The following DCAF8 variants were observed in gnomAD, a reference collection of about 807,000 sequenced individuals.
DCAF8 encodes DDB1- and CUL4-associated factor 8.
DCAF8 carries 20 observed loss-of-function variants against 68.0 expected under a neutral mutation model. The observed-to-expected ratio is 0.29, with a 90% CI of 0.21 to 0.43. The LOEUF (loss-of-function observed/expected upper bound fraction) is 0.43. DCAF8 is among the 20% of genes least tolerant of loss of function. The pLI is 1.00. For synonymous variants in DCAF8, 230 were observed against 276.9 expected, an observed-to-expected ratio of 0.83 and a Z score of 1.68; for missense variants, 460 against 771.0, an observed-to-expected ratio of 0.60 and a Z score of 4.78.
chr1:160,242,007 C>T (rs146223482), intron 3 of DCAF8, among the ~76,000 whole-genome samples: 2,407 of 152,232 alleles, frequency 0.016, 62 homozygotes, highest in African/African-American at 0.049. Flanking sequence ...CTTTGGGAGG[C>T]CAAGGCGGGT....
intron 7 of DCAF8, 149 bp downstream of exon 7, chr1:160,231,148 G>C (rs867378621): frequency 3.2e-6 from 2 of 623,674 alleles, no homozygotes; most frequent in Non-Finnish European, 5.8e-6. Context: ...CTCCAAAGGC[G>C]TGTAAGATTT....
chr1:160,217,737 T>C (rs765546124), intron 13 of DCAF8, 29 bp from the exon 14 acceptor site: 20 of 1,555,566 alleles, frequency 1.3e-5, no homozygotes, highest in Non-Finnish European at 1.8e-5. Flanking sequence ...TGTTAGTAAC[T>C]TCCCTGGATG....
chr1:160,226,117 GT>G (rs899451976), intron 7 of DCAF8, among the ~76,000 whole-genome samples: 11 of 152,124 alleles, frequency 7.2e-5, no homozygotes, highest in African/African-American at 2.7e-4. Flanking sequence ...AATTCTGTCA[GT>G]TTGAAGTGGT....
Position 160,250,464 on chromosome 1 carries a change from C to CAAA in DCAF8, c.-26-6433_-26-6431dup, listed in dbSNP as rs386368471. Among the ~76,000 whole-genome samples, 390 of 64,510 alleles carry CAAA rather than the reference C, an allele frequency of 6.0e-3. 2 individuals are homozygous for CAAA. The highest frequency in any genetic ancestry group is 7.0e-3 in the East Asian group (15 of 2,138). The allele number at this position is 64,510 out of a possible 152,430, so 42.3% of individuals were successfully genotyped here. A position where few individuals can be genotyped will look rare whatever the true frequency, so the allele number is the denominator to read the frequency against. Reference sequence around the variant, plus strand: ...CTGGGCAACAAGAGCGAAACTGTCTCAAAAAAAAAAAAAAAAAAAAAACAG... The same window carrying CAAA: ...CTGGGCAACAAGAGCGAAACTGTCTCAAAAAAAAAAAAAAAAAAAAAAAAACAG... On this transcript the variant is annotated intron_variant, in intron 2 of 13. Transcript: ENST00000368074.
chr1:160,261,716 TAC>T (rs1016570434), intron 1 of DCAF8: 2 of 152,276 alleles, frequency 1.3e-5, no homozygotes, highest in African/African-American at 4.8e-5. Context: ...CCGGTTTGTT[TAC>T]AGAGACTCCA....
chr1:160,258,582 G>T (rs1656932147), intron 2 of DCAF8, among the ~76,000 whole-genome samples: 1 of 151,704 alleles, frequency 6.6e-6, no homozygotes, highest in African/African-American at 2.4e-5. Context: ...AGCCGGGCAA[G>T]TAAGACCTCA....
intron 11 of DCAF8, chr1:160,219,994 G>C (rs900159927): frequency 1.3e-5 from 2 of 152,256 alleles, no homozygotes; most frequent in Non-Finnish European, 2.9e-5. Flanking sequence ...TGCCTCACCT[G>C]CACAGGCAGA....
intron 3 of DCAF8, among the ~76,000 whole-genome samples, chr1:160,243,412 T>TTC (rs1656197990): frequency 6.6e-6 from 1 of 151,054 alleles, no homozygotes. Context: ...TCACCTTTTT[T>TTC]TTTTTTTTTT....
chr1:160,240,714 G>A (rs1301024734), intron 3 of DCAF8, among the ~76,000 whole-genome samples: 1 of 152,212 alleles, frequency 6.6e-6, no homozygotes, highest in African/African-American at 2.4e-5. Flanking sequence ...TATTGGATGG[G>A]CATTTATTAA....
At chr1:160,256,815 A>G (rs1186797643) in intron 2 of DCAF8, among the ~76,000 whole-genome samples, 3 of 152,226 alleles carry the variant, frequency 2.0e-5, no homozygotes, top group African/African-American at 7.2e-5. Flanking sequence ...TCATTAATTT[A>G]TCTGTATCAT....
intron 10 of DCAF8, 24 bp from the exon 11 acceptor site, chr1:160,222,805 A>C: frequency 6.2e-7 from 1 of 1,614,150 alleles, no homozygotes. Context: ...TGAGGGAAGA[A>C]ACCACATGAG....
chr1:160,244,318 G>A (rs1486471902), intron 2 of DCAF8, among the ~76,000 whole-genome samples: 3 of 152,086 alleles, frequency 2.0e-5, no homozygotes, highest in Non-Finnish European at 4.4e-5. Flanking sequence ...GCGAAAGTGG[G>A]AACTAAAATA....
At chr1:160,261,017 AAAG>A (rs1158567691) in intron 2 of DCAF8, among the ~76,000 whole-genome samples, 6 of 152,350 alleles carry the variant, frequency 3.9e-5, no homozygotes, top group African/African-American at 1.2e-4. Flanking sequence ...ATAAAGAAGA[AAAG>A]AAGACATGGG....
intron 2 of DCAF8, among the ~76,000 whole-genome samples, chr1:160,251,286 T>G (rs554873153): frequency 2.4e-4 from 36 of 152,330 alleles, no homozygotes; most frequent in African/African-American, 8.7e-4. Context: ...AGTACAAATT[T>G]GCTTTTCTAG....
At chr1:160,227,344 A>G (rs957070586) in intron 7 of DCAF8, among the ~76,000 whole-genome samples, 4 of 152,204 alleles carry the variant, frequency 2.6e-5, no homozygotes, top group Admixed American at 6.5e-5. Flanking sequence ...TGATGACTTA[A>G]GCCTTGACAT....
intron 11 of DCAF8, chr1:160,220,318 C>T (rs141883779): frequency 6.4e-4 from 97 of 152,288 alleles, no homozygotes; most frequent in African/African-American, 2.2e-3. Context: ...TCCTAATAAG[C>T]CCTTGTTACA....
At position 160,217,583 on chromosome 1, in the gene DCAF8, T is replaced by TA; in HGVS notation, c.*8dup. 7 of 1,605,056 alleles carry TA rather than the reference T, an allele frequency of 4.4e-6. No homozygotes were observed. The highest frequency in any genetic ancestry group is 6.0e-6 in the Non-Finnish European group (7 of 1,173,292). Reference sequence around the variant, plus strand: ...GCAGCCCCAGCCTGCCCCACCTAGGTATGAGGCCTCAAGATGGCATGCACT... The same window carrying TA: ...GCAGCCCCAGCCTGCCCCACCTAGGTAATGAGGCCTCAAGATGGCATGCACT... On this transcript the variant is annotated 3_prime_UTR_variant, in exon 14 of 14. Coordinates refer to ENST00000368074, the MANE Select transcript of DCAF8 (RefSeq NM_015726.4).
chr1:160,224,370 A>G (rs1655398906), intron 10 of DCAF8, 72 bp downstream of exon 10: 8 of 1,141,306 alleles, frequency 7.0e-6, no homozygotes, highest in Non-Finnish European at 1.1e-5. Context: ...TATTTGTATA[A>G]CCTGAGTAAG....
At chr1:160,240,453 C>A in intron 3 of DCAF8, 83 bp from the exon 4 acceptor site, 1 of 1,333,406 alleles carries the variant, frequency 7.5e-7, no homozygotes, top group South Asian at 1.5e-5. Flanking sequence ...GAAATCTTCA[C>A]ATCAAAAGAC....
Sources: gnomAD v4.1 joint callset for allele counts (sites outside exome capture counted in the v4.1 genomes callset) on GRCh38, gnomAD v4.1.1 for gene constraint, MANE v1.5 for transcripts, NCBI Gene and HGNC (gene_info 2026-07-23, HGNC 2026-07-21) for gene names.